The following RSPH14 variants were observed in gnomAD, a reference collection of about 807,000 sequenced individuals.
The protein encoded by RSPH14 is radial spoke head 14 homolog, also known as rhabdoid tumor deletion region gene 1.
Under a neutral mutation model 26.7 loss-of-function variants are expected in RSPH14, and 20 were observed. That is an observed-to-expected ratio of 0.75 (90% CI 0.53 to 1.09). The LOEUF is 1.09. RSPH14 is among the 50% of genes least tolerant of loss of function. The probability of loss-of-function intolerance (pLI) is 0.00; values close to 1 mark genes in which losing one functional copy is unlikely to be tolerated. For missense variants in RSPH14, 449 were observed against 457.2 expected, an observed-to-expected ratio of 0.98 and a Z score of 0.16; for synonymous variants, 177 against 189.3, an observed-to-expected ratio of 0.93 and a Z score of 0.53.
At chr22:23,135,553 C>T (rs1377679760) in intron 3 of RSPH14, among the ~76,000 whole-genome samples, 1 of 151,646 alleles carries the variant, frequency 6.6e-6, no homozygotes, top group Non-Finnish European at 1.5e-5. Context: ...AAGGGTTTTG[C>T]ATACAGGTTA....
intron 4 of RSPH14, chr22:23,123,459 A>G (rs370420850): frequency 2.0e-6 from 3 of 1,493,072 alleles, no homozygotes; most frequent in South Asian, 1.2e-5. Context: ...CCGCCTGCCT[A>G]TGGTGAAACC....
the RSPH14 span, chr22:23,152,950 TA>T: frequency 1.0e-6 from 1 of 1,000,164 alleles, no homozygotes; most frequent in Non-Finnish European, 1.6e-6. Flanking sequence ...CTTATTTGCC[TA>T]AAGACTTGCA....
At chr22:23,085,360 C>G (rs890014439) in intron 4 of RSPH14, among the ~76,000 whole-genome samples, 1 of 152,208 alleles carries the variant, frequency 6.6e-6, no homozygotes, top group Non-Finnish European at 1.5e-5. Context: ...CCATGTCCCC[C>G]TGTCCCCAAG....
chr22:23,142,302 A>C (rs2070619465), upstream of RSPH14, among the ~76,000 whole-genome samples: 1 of 152,090 alleles, frequency 6.6e-6, no homozygotes, highest in African/African-American at 2.4e-5. Flanking sequence ...AGAACCTCAG[A>C]GAAGTTCAGT....
At chr22:23,082,902 C>G (rs746557082) in intron 4 of RSPH14, among the ~76,000 whole-genome samples, 21 of 152,112 alleles carry the variant, frequency 1.4e-4, no homozygotes, top group Admixed American at 3.3e-4. Context: ...TGTCTTCCCC[C>G]CAAACCTTGC....
intron 4 of RSPH14, among the ~76,000 whole-genome samples, chr22:23,130,230 C>T (rs1485846531): frequency 4.0e-4 from 60 of 148,422 alleles, no homozygotes; most frequent in African/African-American, 1.3e-3. Context: ...CCGAGGCAGG[C>T]GGATCATGAG....
chr22:23,096,211 C>T (rs758843916), intron 4 of RSPH14: 27 of 1,613,672 alleles, frequency 1.7e-5, no homozygotes, highest in Middle Eastern at 1.6e-4. Context: ...TCCCCACTGT[C>T]GAGGACATCC....
At chr22:23,104,849 G>A (rs997210461) in intron 4 of RSPH14, among the ~76,000 whole-genome samples, 8 of 152,236 alleles carry the variant, frequency 5.3e-5, no homozygotes, top group African/African-American at 1.9e-4. Flanking sequence ...GCTCAGTCTA[G>A]TTTCTGGAGG....
the RSPH14 span, among the ~76,000 whole-genome samples, chr22:23,154,215 C>T: frequency 1.3e-5 from 2 of 152,262 alleles, no homozygotes; most frequent in East Asian, 1.9e-4. Flanking sequence ...GAGACCCTTC[C>T]GTGCTCCCCT....
At chr22:23,168,044 T>G in the RSPH14 span, among the ~76,000 whole-genome samples, 1 of 152,010 alleles carries the variant, frequency 6.6e-6, no homozygotes, top group African/African-American at 2.4e-5. Flanking sequence ...TTCACAGAGA[T>G]AGGGTCTGTG....
the RSPH14 span, chr22:23,150,305 T>G: frequency 5.8e-6 from 1 of 171,022 alleles, no homozygotes; most frequent in Non-Finnish European, 1.2e-5. Flanking sequence ...TTTTTTTTTC[T>G]TTTTTTTTTT....
upstream of RSPH14, among the ~76,000 whole-genome samples, chr22:23,146,995 T>C (rs1028819474): frequency 5.3e-5 from 8 of 152,288 alleles, no homozygotes; most frequent in East Asian, 1.5e-3. Flanking sequence ...TTACTCAACC[T>C]CTCAGAGCCA....
chr22:23,151,788 C>T, the RSPH14 span, among the ~76,000 whole-genome samples: 22 of 152,312 alleles, frequency 1.4e-4, no homozygotes, highest in East Asian at 3.7e-3. Context: ...GTGAGGGTGG[C>T]GGCTGCTCTT....
Position 23,063,933 on chromosome 22 carries a change from T to G in RSPH14, c.622A>C (p.Ser208Arg). The change falls in exon 5 of 7, where the codon AGC becomes CGC. Residue 208 changes from serine (S) to arginine (R), a missense_variant. Coordinates refer to ENST00000216036, the MANE Select transcript of RSPH14 (RefSeq NM_014433.3). Reference protein sequence around the residue: ...KLLSANQNIRSKAARALLNVS... With the variant: ...KLLSANQNIRRKAARALLNVS... ...TTAAGGAGCGCACGGGCGGCCTTGCTGCGGATGTTCTGGTTGGCGCTGAGG... is the reference window on the plus strand; with the variant it reads ...TTAAGGAGCGCACGGGCGGCCTTGCGGCGGATGTTCTGGTTGGCGCTGAGG... 6.2e-7 allele frequency: 1 copy of G among 1,614,176 alleles called. No homozygotes were observed. The highest frequency in any genetic ancestry group is 8.5e-7 in the Non-Finnish European group (1 of 1,180,020).
At chr22:23,143,983 A>C (rs1379902860), upstream of RSPH14, among the ~76,000 whole-genome samples, 1 of 150,042 alleles carries the variant, frequency 6.7e-6, no homozygotes, top group African/African-American at 2.5e-5. Flanking sequence ...GGTCCCAGCT[A>C]CTCGGGAGGC....
At chr22:23,108,493 G>A (rs548507564) in intron 4 of RSPH14, among the ~76,000 whole-genome samples, 15 of 152,148 alleles carry the variant, frequency 9.9e-5, no homozygotes, top group Non-Finnish European at 1.6e-4. Flanking sequence ...GGAGACAGCC[G>A]GGAGAGGCCT....
chr22:23,131,068 C>G (rs2070352227), intron 4 of RSPH14: 1 of 153,246 alleles, frequency 6.5e-6, no homozygotes, highest in South Asian at 2.0e-4. Context: ...TACAAACAAC[C>G]AACAAGCCTG....
chr22:23,126,352 C>T (rs2070181945), intron 4 of RSPH14, among the ~76,000 whole-genome samples: 1 of 152,152 alleles, frequency 6.6e-6, no homozygotes. Flanking sequence ...GCCCCGTCCT[C>T]CCCTGCAGTT....
chr22:23,065,315 C>G (rs1370442668), intron 4 of RSPH14, among the ~76,000 whole-genome samples: 1 of 151,930 alleles, frequency 6.6e-6, no homozygotes, highest in Non-Finnish European at 1.5e-5. Flanking sequence ...TCTTACCGCC[C>G]CCCACCATGT....
Sources: allele counts gnomAD v4.1 joint callset (sites outside exome capture counted in the v4.1 genomes callset), GRCh38; gene constraint gnomAD v4.1.1; transcripts MANE v1.5; gene names NCBI Gene and HGNC (gene_info 2026-07-23, HGNC 2026-07-21).